The following SRSF11 variants were observed in gnomAD, a reference collection of about 807,000 sequenced individuals.
The protein encoded by SRSF11 is serine and arginine rich splicing factor 11.
A neutral mutation model predicts 56.0 loss-of-function variants in SRSF11; 9 were observed. The ratio of observed to expected loss-of-function variants is 0.16; its 90% CI spans 0.10 to 0.28. The LOEUF (loss-of-function observed/expected upper bound fraction) is 0.28, where lower values mean the gene tolerates loss of function less well. Ranked by LOEUF, SRSF11 falls within the 10% of genes least tolerant of loss-of-function variation. The pLI is 1.00. For synonymous variants in SRSF11, 222 were observed against 215.3 expected (o/e 1.03, Z -0.27); for missense variants, 421 against 600.7 (o/e 0.70, Z 3.13).
At chr1:70,231,620 G>A (rs543689836) in intron 2 of SRSF11, 2 of 1,166,110 alleles carry the variant, frequency 1.7e-6, no homozygotes, top group Admixed American at 7.5e-5. Flanking sequence ...TCACTCCCAT[G>A]CACACATCCT....
intron 7 of SRSF11, 124 bp from the exon 8 acceptor site, chr1:70,244,560 A>G: frequency 9.8e-7 from 1 of 1,024,552 alleles, no homozygotes; most frequent in Non-Finnish European, 1.4e-6. Context: ...TAGCAAATGG[A>G]AGGGAATTAT....
At chr1:70,234,670 A>C (rs1465080102) in intron 3 of SRSF11, 26 bp from the exon 4 acceptor site, 1 of 1,568,180 alleles carries the variant, frequency 6.4e-7, no homozygotes, top group African/African-American at 1.4e-5. Context: ...TGAAGTTTTA[A>C]ATAAATAAAA....
At chr1:70,247,832 C>G (rs1677101407) in intron 9 of SRSF11, among the ~76,000 whole-genome samples, 1 of 152,004 alleles carries the variant, frequency 6.6e-6, no homozygotes, top group Non-Finnish European at 1.5e-5. Context: ...AATAGACAGG[C>G]AACCCAATTT....
At chr1:70,225,643 G>A (rs1360703541) in intron 1 of SRSF11, among the ~76,000 whole-genome samples, 2 of 152,066 alleles carry the variant, frequency 1.3e-5, no homozygotes, top group Non-Finnish European at 2.9e-5. Context: ...GGTGAACAAC[G>A]GAAATCTCAG....
upstream of SRSF11, among the ~76,000 whole-genome samples, chr1:70,216,835 A>G (rs1273204620): frequency 1.3e-5 from 2 of 152,196 alleles, no homozygotes; most frequent in Non-Finnish European, 2.9e-5. Context: ...TTCTCTGTGC[A>G]TACTTCCTTC....
intron 2 of SRSF11, chr1:70,231,117 A>C (rs1672774376): frequency 7.8e-7 from 1 of 1,289,506 alleles, no homozygotes; most frequent in African/African-American, 1.5e-5. Context: ...GTTCAGCCTG[A>C]ACTATATACC....
chr1:70,231,532 G>A (rs540825450), intron 2 of SRSF11: 5 of 1,076,002 alleles, frequency 4.6e-6, no homozygotes, highest in Admixed American at 9.7e-5. Flanking sequence ...GGTTAGCATG[G>A]CACATGGCGA....
chr1:70,232,807 A>G (rs1406546846), intron 3 of SRSF11, among the ~76,000 whole-genome samples: 1 of 152,180 alleles, frequency 6.6e-6, no homozygotes, highest in Non-Finnish European at 1.5e-5. Flanking sequence ...GCTTGAAAAC[A>G]AAGGCAATTC....
intron 1 of SRSF11, among the ~76,000 whole-genome samples, chr1:70,222,185 G>A (rs538376691): frequency 6.6e-6 from 1 of 152,072 alleles, no homozygotes; most frequent in Non-Finnish European, 1.5e-5. Context: ...AAAAAACTGA[G>A]TATTTGTTCT....
intron 9 of SRSF11, chr1:70,249,659 G>T (rs1330591805): frequency 7.2e-6 from 2 of 278,872 alleles, no homozygotes; most frequent in Non-Finnish European, 1.4e-5. Flanking sequence ...GCAGGCTCAA[G>T]TGATCTTCCT....
In SRSF11 at chr1:70,252,482, G is replaced by A. The variant is rs1678091031; in HGVS notation, c.*1677G>A. ...TTTATCCAAGTTTTGAGTATAAATA[G>A]GGTTTTGTTTTGTTTTTTTTAACCT... On this transcript the variant is annotated 3_prime_UTR_variant, in exon 12 of 12. Transcript: ENST00000370949. 6.6e-6 allele frequency: 1 copy of A among 152,016 alleles called. No individual in the cohort carries two copies. The highest frequency in any genetic ancestry group is 2.1e-4 in the South Asian group (1 of 4,828). 9.4% of individuals were successfully genotyped at this position (152,016 alleles called of 1,614,324 possible). A position where few individuals can be genotyped will look rare whatever the true frequency, so the allele number is the denominator to read the frequency against.
At chr1:70,213,261 A>T (rs572893942) in intron 1 of SRSF11, among the ~76,000 whole-genome samples, 68 of 152,302 alleles carry the variant, frequency 4.5e-4, no homozygotes, top group Non-Finnish European at 8.1e-4. Context: ...TAATTAGAAG[A>T]AGTATTTATT....
In SRSF11 at chr1:70,221,538, C is replaced by T. The variant is rs1212850817; in HGVS notation, c.-99C>T. On this transcript the variant is annotated 5_prime_UTR_variant, in exon 1 of 12. Coordinates refer to ENST00000370949, the MANE Select transcript of SRSF11 (RefSeq NM_001350605.2). ...GTAGCAGAGGCTGTAGCATCGGACA[C>T]CCTCCTCTCTCCCGCAATCCGGTTC... 32 of 1,464,462 alleles carry T rather than the reference C, an allele frequency of 2.2e-5. No individual in the cohort carries two copies. The highest frequency in any genetic ancestry group is 2.6e-5 in the Non-Finnish European group (28 of 1,087,664). The allele number at this position is 1,464,462 out of a possible 1,614,324, so 90.7% of individuals were successfully genotyped here. A position where few individuals can be genotyped will look rare whatever the true frequency, so the allele number is the denominator to read the frequency against.
chr1:70,248,623 G>A (rs976734458), intron 9 of SRSF11: 4 of 152,106 alleles, frequency 2.6e-5, no homozygotes. Flanking sequence ...AGAAAAGATG[G>A]AAGGTACTAC....
At chr1:70,242,081 A>T (rs1675553281) in intron 7 of SRSF11, among the ~76,000 whole-genome samples, 1 of 151,900 alleles carries the variant, frequency 6.6e-6, no homozygotes, top group African/African-American at 2.4e-5. Flanking sequence ...AAGCAGGAGA[A>T]TCGCTTGAAC....
At chr1:70,205,824 G>A (rs140425561) in intron 1 of SRSF11, 26 of 320,172 alleles carry the variant, frequency 8.1e-5, no homozygotes, top group African/African-American at 5.4e-4. Context: ...CGGGTTTATT[G>A]TTTGCACTGT....
chr1:70,214,890 A>G (rs531355162), intron 1 of SRSF11, among the ~76,000 whole-genome samples: 2 of 148,206 alleles, frequency 1.3e-5, no homozygotes, highest in East Asian at 2.0e-4. Context: ...ACATCTGCAG[A>G]TAAGTTTTTT....
At chr1:70,209,723 C>G (rs533958478) in intron 1 of SRSF11, among the ~76,000 whole-genome samples, 1 of 120,708 alleles carries the variant, frequency 8.3e-6, no homozygotes. Context: ...CTAGCTGGGA[C>G]TAAAAGCACC....
At chr1:70,226,845 A>G (rs1671891460) in intron 1 of SRSF11, among the ~76,000 whole-genome samples, 1 of 152,186 alleles carries the variant, frequency 6.6e-6, no homozygotes, top group African/African-American at 2.4e-5. Flanking sequence ...TTCTTTAAGG[A>G]GAAATTGCTT....
Sources: gnomAD v4.1 joint callset for allele counts (sites outside exome capture counted in the v4.1 genomes callset) on GRCh38, gnomAD v4.1.1 for gene constraint, MANE v1.5 for transcripts, NCBI Gene and HGNC (gene_info 2026-07-23, HGNC 2026-07-21) for gene names.